ABHD2: variants seen among roughly 807,000 people sequenced by gnomAD.
ABHD2 encodes abhydrolase domain containing 2, acylglycerol lipase, also known as monoacylglycerol lipase ABHD2.
A neutral mutation model predicts 48.1 loss-of-function variants in ABHD2; 20 were observed. The observed-to-expected ratio is 0.42, with a 90% confidence interval of 0.29 to 0.60. ABHD2 has a LOEUF of 0.60. ABHD2 is among the 20% of genes least tolerant of loss of function. The probability of loss-of-function intolerance (pLI) is 0.24; values close to 1 mark genes in which losing one functional copy is unlikely to be tolerated. For synonymous variants in ABHD2, 209 were observed against 214.2 expected, an observed-to-expected ratio of 0.98 and a Z score of 0.21; for missense variants, 405 against 550.9, an observed-to-expected ratio of 0.74 and a Z score of 2.65.
chr15:89,146,542 G>T lies in ABHD2; in HGVS notation c.195-5135G>T, dbSNP rs372333150. Among the ~76,000 whole-genome samples, 2 of 152,098 alleles carry T rather than the reference G, an allele frequency of 1.3e-5. No individual in the cohort carries two copies. Among genetic ancestry groups the T allele is most frequent in the African/African-American group, 4.8e-5 (2 of 41,414 alleles). ...GGCCTCTATATTTTGTTGTGGCCCA[G>T]CTTGTTTGTTAGTAACAAACATTTA... On this transcript the variant is annotated intron_variant, in intron 3 of 10. Coordinates refer to ENST00000352732, the MANE Select transcript of ABHD2 (RefSeq NM_152924.5). This position sits in a 1 kb window ranked among gnomAD's most constrained non-coding sequence, Gnocchi z 4.2.
rs138344237 is a variant in ABHD2 at position 89,147,903 on chromosome 15, G to C, written c.195-3774G>C. On this transcript the variant is annotated intron_variant, in intron 3 of 10. Coordinates refer to ENST00000352732, the MANE Select transcript of ABHD2 (RefSeq NM_152924.5). ...AGGCTGAAGTGGGCTGATCACCTGAGGCCAGGAGTTCAAGACCAGCCTGGC... is the reference window on the plus strand; with the variant it reads ...AGGCTGAAGTGGGCTGATCACCTGACGCCAGGAGTTCAAGACCAGCCTGGC... 5.5e-3 allele frequency among the ~76,000 whole-genome samples: 824 copies of C among 151,114 alleles called. 9 individuals are homozygous for C. The highest frequency in any genetic ancestry group is 0.012 in the Admixed American group (185 of 15,210).
intron 3 of ABHD2, among the ~76,000 whole-genome samples, chr15:89,119,066 C>T (rs1030495062): frequency 2.0e-5 from 3 of 152,200 alleles, no homozygotes; most frequent in Non-Finnish European, 2.9e-5. Flanking sequence ...GATTGCCACC[C>T]TCTCTCCTGG....
the ABHD2 span, among the ~76,000 whole-genome samples, chr15:89,078,362 TA>T: frequency 5.3e-5 from 8 of 152,068 alleles, no homozygotes; most frequent in Admixed American, 3.9e-4. Context: ...GAAAAGAAAA[TA>T]AAGCCTTGGG....
At chr15:89,133,002 G>A (rs1032388341) in intron 3 of ABHD2, among the ~76,000 whole-genome samples, 20 of 152,178 alleles carry the variant, frequency 1.3e-4, no homozygotes, top group African/African-American at 4.3e-4. Context: ...TTCCTCTGAC[G>A]GAAAGCTCCA....
In ABHD2 at chr15:89,175,784, T is replaced by C. The variant is rs746047601; in HGVS notation, c.539-28T>C. The C allele has an allele frequency of 4.3e-6, 7 of 1,613,404 alleles. No individual in the cohort carries two copies. The highest frequency in any genetic ancestry group is 1.3e-5 in the African/African-American group (1 of 74,892). Reference sequence around the variant, plus strand: ...TCCAGATAGGATGCACCTGAAATGATTGAGCAATCTCACCCTTTTGCCCAC... The same window carrying C: ...TCCAGATAGGATGCACCTGAAATGACTGAGCAATCTCACCCTTTTGCCCAC... On this transcript the variant is annotated intron_variant, in intron 5 of 10. Transcript: ENST00000352732. This position sits in a 1 kb window ranked among gnomAD's most constrained non-coding sequence, Gnocchi z 5.7.
At chr15:89,108,296 G>T (rs2049819435) in intron 1 of ABHD2, among the ~76,000 whole-genome samples, 1 of 152,208 alleles carries the variant, frequency 6.6e-6, no homozygotes, top group African/African-American at 2.4e-5. Flanking sequence ...TCTGATGGTT[G>T]CCAGCCATCC....
intron 1 of ABHD2, among the ~76,000 whole-genome samples, chr15:89,090,914 G>C (rs1364259113): frequency 6.6e-6 from 1 of 152,208 alleles, no homozygotes; most frequent in Non-Finnish European, 1.5e-5. Context: ...AAGTTACTTA[G>C]TCATTCGAAT....
In ABHD2 at chr15:89,154,435, G is replaced by A. The variant is rs907702431; in HGVS notation, c.371-932G>A. 3.9e-5 allele frequency among the ~76,000 whole-genome samples: 6 copies of A among 152,002 alleles called. No individual in the cohort carries two copies. The South Asian group carries it at 6.2e-4, about 16-fold the overall frequency. ...AAGTATGTATTCATATTTTTAAGTAGGCAAGTCACATTCATGATAGAAAGT... is the reference window on the plus strand; with the variant it reads ...AAGTATGTATTCATATTTTTAAGTAAGCAAGTCACATTCATGATAGAAAGT... On this transcript the variant is annotated intron_variant, in intron 4 of 10. Transcript: ENST00000352732.
rs966961553 is a variant in ABHD2 at position 89,174,219 on chromosome 15, A to C, written c.539-1593A>C. The stretch of plus-strand genomic sequence containing the variant: ...TGCCAGACATATTGTAAAGGGAAAA[A>C]AAGAGCCACCGAACAATGTGTATGT... On this transcript the variant is annotated intron_variant, in intron 5 of 10. Transcript: ENST00000352732. The surrounding 1 kb of genome is among the most constrained non-coding windows in gnomAD (Gnocchi z 4.1). 1.3e-5 allele frequency among the ~76,000 whole-genome samples: 2 copies of C among 152,226 alleles called. No homozygotes were observed. The highest frequency in any genetic ancestry group is 2.4e-5 in the African/African-American group (1 of 41,446).
In ABHD2 at chr15:89,116,652, A is replaced by G; in HGVS notation, c.194+131A>G. The G allele has an allele frequency of 6.2e-6, 6 of 962,938 alleles. No individual in the cohort carries two copies. Among genetic ancestry groups the G allele is most frequent in the Non-Finnish European group, 9.1e-6 (6 of 658,922 alleles). The allele number at this position is 962,938 out of a possible 1,614,324, so 59.6% of individuals were successfully genotyped here. On this transcript the variant is annotated intron_variant, in intron 3 of 10. Transcript: ENST00000352732. This position sits in a 1 kb window ranked among gnomAD's most constrained non-coding sequence, Gnocchi z 4.6. ...GATATGACGTCACTGGTGTTAAAAT[A>G]GCCACAGTCTGATTGCAGTCTAGTG...
the ABHD2 span, chr15:89,082,436 G>A: frequency 6.6e-6 from 1 of 152,178 alleles, no homozygotes; most frequent in Non-Finnish European, 1.5e-5. This position sits in a 1 kb window ranked among gnomAD's most constrained non-coding sequence, Gnocchi z 4.4. Flanking sequence ...CTCGCCTACT[G>A]GGTCCCTATT....
At chr15:89,150,862 C>T (rs147657005) in intron 3 of ABHD2, among the ~76,000 whole-genome samples, 6 of 152,320 alleles carry the variant, frequency 3.9e-5, no homozygotes, top group Middle Eastern at 3.4e-3. Context: ...AAACCAACAG[C>T]GGTTTCAGTA....
At position 89,146,947 on chromosome 15, in the gene ABHD2, T is replaced by C. The variant is rs1040043101; in HGVS notation, c.195-4730T>C. ...CTAATCCTATAATTAATCTGGAAAATAAAATGCTGAAATCTGCCAAGAAAA... is the reference window on the plus strand; with the variant it reads ...CTAATCCTATAATTAATCTGGAAAACAAAATGCTGAAATCTGCCAAGAAAA... On this transcript the variant is annotated intron_variant, in intron 3 of 10. Transcript: ENST00000352732. This position sits in a 1 kb window ranked among gnomAD's most constrained non-coding sequence, Gnocchi z 4.2. Among the ~76,000 whole-genome samples, 9 of 152,108 alleles carry C rather than the reference T, an allele frequency of 5.9e-5. No individual in the cohort carries two copies. Among genetic ancestry groups the C allele is most frequent in the African/African-American group, 1.9e-4 (8 of 41,416 alleles).
chr15:89,139,284 T>TCC (rs2050365772), intron 3 of ABHD2, among the ~76,000 whole-genome samples: 1 of 152,154 alleles, frequency 6.6e-6, no homozygotes, highest in Admixed American at 6.5e-5. Flanking sequence ...TGCTCAGAAA[T>TCC]ATCTCTCCTC....
chr15:89,064,173 G>A, the ABHD2 span, among the ~76,000 whole-genome samples: 1,611 of 149,562 alleles, frequency 0.011, 26 homozygotes, highest in Non-Finnish European at 0.015. Flanking sequence ...TATAGCATGT[G>A]TCAGAATTTC....
At chr15:89,115,412 GTGTGTGTGTGTGTGT>G (rs2049942543) in intron 2 of ABHD2, among the ~76,000 whole-genome samples, 1 of 97,542 alleles carries the variant, frequency 1.0e-5, no homozygotes, top group Non-Finnish European at 2.3e-5. Flanking sequence ...GTGTGTGTGT[GTGTGTGTGTGTGTGT>G]GTGTTTTGTA....
chr15:89,090,657 T>C (rs570785777), intron 1 of ABHD2, among the ~76,000 whole-genome samples: 1 of 152,302 alleles, frequency 6.6e-6, no homozygotes, highest in East Asian at 1.9e-4. Context: ...CTCTGAACCC[T>C]TTAAAATTAT....
In ABHD2 at chr15:89,201,712, C is replaced by G; in HGVS notation, c.*6289C>G. ...AATTTAAGATTTGTAGTGACTACAT[C>G]TGTGAAGGGGCCTTTGAATTTGAGG... On this transcript the variant is annotated 3_prime_UTR_variant, in exon 11 of 11. Transcript: ENST00000352732. 1 of 1,607,058 alleles carries G rather than the reference C, an allele frequency of 6.2e-7. No individual in the cohort carries two copies. The highest frequency in any genetic ancestry group is 8.5e-7 in the Non-Finnish European group (1 of 1,173,620).
intron 3 of ABHD2, among the ~76,000 whole-genome samples, chr15:89,138,748 C>G (rs1368061844): frequency 6.6e-6 from 1 of 152,138 alleles, no homozygotes; most frequent in Non-Finnish European, 1.5e-5. Flanking sequence ...AGAAAATAGG[C>G]ACAAAGCTGT....
Sources: allele counts gnomAD v4.1 joint callset (sites outside exome capture counted in the v4.1 genomes callset), GRCh38; gene constraint gnomAD v4.1.1; non-coding constraint Gnocchi (gnomAD v3.1); transcripts MANE v1.5; gene names NCBI Gene and HGNC (gene_info 2026-07-23, HGNC 2026-07-21).